Variants in MTA3 observed in about 807,000 individuals in gnomAD.
MTA3 encodes the protein metastasis-associated protein MTA3.
Under a neutral mutation model 83.5 loss-of-function variants are expected in MTA3, and 34 were observed. The observed-to-expected ratio is 0.41, with a 90% confidence interval of 0.31 to 0.54. The LOEUF (loss-of-function observed/expected upper bound fraction) is 0.54. Among genes scored for constraint, MTA3 ranks in the 20% least tolerant of loss-of-function variants. MTA3 has a pLI of 0.33. For synonymous variants in MTA3, 303 were observed against 252.7 expected, an observed-to-expected ratio of 1.20 and a Z score of -1.89; for missense variants, 761 against 726.4, an observed-to-expected ratio of 1.05 and a Z score of -0.55.
chr2:42,592,440 C>T lies in MTA3; in HGVS notation c.190+13240C>T, dbSNP rs1026300605. Among the ~76,000 whole-genome samples, 18 of 151,776 alleles carry T rather than the reference C, an allele frequency of 1.2e-4. 1 individual carries two copies. In the South Asian group the frequency reaches 1.9e-3, roughly 16 times the overall value. On this transcript the variant is annotated intron_variant, in intron 3 of 16. Transcript: ENST00000405094. Reference sequence around the variant, plus strand: ...CTCTACAAAATATTTAAAAATTAGCCGGGTGTGGTGGCATGCACGTGTGGT... The same window carrying T: ...CTCTACAAAATATTTAAAAATTAGCTGGGTGTGGTGGCATGCACGTGTGGT...
In MTA3 at chr2:42,551,728, C is replaced by T. The variant is rs192329087; in HGVS notation, c.-140-18709C>T. On this transcript the variant is annotated intron_variant, in intron 2 of 17. Transcript: ENST00000405592. ...TAAATAGGATGGGAAGGGAAGACTG[C>T]ACTGAGGAGGTAATTTTTTTTTTCT... Among the ~76,000 whole-genome samples the T allele has an allele frequency of 2.0e-5, 3 of 151,904 alleles. No individual in the cohort carries two copies. In the East Asian group the frequency reaches 5.8e-4, roughly 29 times the overall value.
At chr2:42,643,928 T>C (rs1467718664) in intron 5 of MTA3, among the ~76,000 whole-genome samples, 199 bp from the exon 6 acceptor site, 1 of 152,230 alleles carries the variant, frequency 6.6e-6, no homozygotes. Context: ...CTGTTTCTTT[T>C]GGCTTGATTT....
intron 2 of MTA3, among the ~76,000 whole-genome samples, chr2:42,574,469 G>A (rs749971221): frequency 6.6e-6 from 1 of 151,038 alleles, no homozygotes; most frequent in Non-Finnish European, 1.5e-5. Flanking sequence ...GCCTATGTTA[G>A]TTGTCACCCA....
intron 16 of MTA3, among the ~76,000 whole-genome samples, chr2:42,735,411 T>C (rs1435478800): frequency 2.0e-5 from 3 of 152,214 alleles, no homozygotes; most frequent in Non-Finnish European, 4.4e-5. Context: ...CCTTGACTTT[T>C]GGGAGTTTGA....
At chr2:42,505,770 A>ATTTTTT (rs370638507) in intron 2 of MTA3, among the ~76,000 whole-genome samples, 1 of 139,118 alleles carries the variant, frequency 7.2e-6, no homozygotes, top group Non-Finnish European at 1.5e-5. Context: ...CAAATTGATA[A>ATTTTTT]TTTTTTTTTT....
Position 42,684,389 on chromosome 2 carries a change from C to T in MTA3, c.891+1800C>T, listed in dbSNP as rs936586867. ...ATGGGCTGATAAATTAAATCCCAGACATAGTAATTAAAACTGTTAGTGTCA... is the reference window on the plus strand; with the variant it reads ...ATGGGCTGATAAATTAAATCCCAGATATAGTAATTAAAACTGTTAGTGTCA... On this transcript the variant is annotated intron_variant, in intron 9 of 16. Transcript: ENST00000405094. Among the ~76,000 whole-genome samples, 12 of 152,152 alleles carry T rather than the reference C, an allele frequency of 7.9e-5. No individual in the cohort carries two copies. The South Asian group carries it at 8.3e-4, about 11-fold the overall frequency.
chr2:42,609,616 T>A (rs1683932627), intron 4 of MTA3, 32 bp downstream of exon 4: 1 of 1,570,570 alleles, frequency 6.4e-7, no homozygotes, highest in African/African-American at 1.4e-5. Flanking sequence ...AGGTACTCAG[T>A]ACTACGGTGA....
intron 8 of MTA3, among the ~76,000 whole-genome samples, chr2:42,673,712 G>C (rs1298430402): frequency 6.6e-6 from 1 of 152,208 alleles, no homozygotes; most frequent in Non-Finnish European, 1.5e-5. Flanking sequence ...GAAGGCCTCA[G>C]CTGACTCCAG....
At chr2:42,616,726 A>C (rs1684942526) in intron 4 of MTA3, among the ~76,000 whole-genome samples, 3 of 151,246 alleles carry the variant, frequency 2.0e-5, no homozygotes, top group Admixed American at 1.3e-4. Flanking sequence ...TTACAAGCTC[A>C]CGCCACTATG....
chr2:42,727,896 C>G (rs1667940484), intron 16 of MTA3, among the ~76,000 whole-genome samples: 2 of 152,066 alleles, frequency 1.3e-5, no homozygotes, highest in South Asian at 4.1e-4. Flanking sequence ...GCTTAATAAT[C>G]ACATGAGGGT....
chr2:42,724,226 C>G (rs888702471), intron 16 of MTA3, among the ~76,000 whole-genome samples: 4 of 146,092 alleles, frequency 2.7e-5, no homozygotes, highest in Non-Finnish European at 4.5e-5. Context: ...ACCTCCCTGG[C>G]CTTTCTAGGC....
chr2:42,701,439 A>T (rs1020777391), intron 11 of MTA3, among the ~76,000 whole-genome samples: 2 of 147,498 alleles, frequency 1.4e-5, no homozygotes, highest in African/African-American at 5.0e-5. Flanking sequence ...AAAAAAAAAA[A>T]GTAAATAAAG....
intron 6 of MTA3, among the ~76,000 whole-genome samples, chr2:42,645,519 T>C (rs1203961006): frequency 7.8e-6 from 1 of 128,620 alleles, no homozygotes; most frequent in African/African-American, 3.1e-5. Flanking sequence ...AGTGAGACTT[T>C]GTCTAAAAAA....
chr2:42,617,656 A>G (rs527582459), intron 4 of MTA3, among the ~76,000 whole-genome samples: 33 of 152,164 alleles, frequency 2.2e-4, no homozygotes, highest in African/African-American at 7.7e-4. Context: ...CATGCCTGTA[A>G]TCTCAGCTAC....
chr2:42,642,984 T>C (rs1473341116), intron 5 of MTA3, among the ~76,000 whole-genome samples: 1 of 152,016 alleles, frequency 6.6e-6, no homozygotes, highest in Non-Finnish European at 1.5e-5. Flanking sequence ...ATTTTTTCTT[T>C]CCTTAGATAG....
At chr2:42,711,621 A>G (rs1400094587) in intron 14 of MTA3, among the ~76,000 whole-genome samples, 1 of 152,118 alleles carries the variant, frequency 6.6e-6, no homozygotes, top group African/African-American at 2.4e-5. Context: ...CCTAACATCT[A>G]ATTGATTATG....
intron 2 of MTA3, among the ~76,000 whole-genome samples, chr2:42,560,118 G>C (rs1207646466): frequency 6.6e-6 from 1 of 151,816 alleles, no homozygotes; most frequent in Admixed American, 6.6e-5. Flanking sequence ...CGCCTCCCAG[G>C]TGCAAGCGAT....
intron 8 of MTA3, among the ~76,000 whole-genome samples, chr2:42,674,685 A>G (rs1422394362): frequency 2.1e-5 from 3 of 146,040 alleles, no homozygotes; most frequent in Admixed American, 1.4e-4. Flanking sequence ...TGCAACTGAC[A>G]CTTCCTGAGT....
chr2:42,656,222 A>G lies in MTA3; in HGVS notation c.522A>G (p.Gln174=), dbSNP rs371814304. ...LLEGESDERE[Q]SKLEVKVWDP... ...CAGGAGAATCAGATGAGAGGGAACA[A>G]TCAAAATTGGAAGTTAAAGTTTGGG... The change falls in exon 7 of 17, where the codon CAA becomes CAG. Residue 174 remains glutamine (Q), a synonymous_variant. Transcript: ENST00000405094. The G allele has an allele frequency of 1.2e-6, 2 of 1,613,636 alleles. No individual in the cohort carries two copies. The highest frequency in any genetic ancestry group is 2.2e-5 in the South Asian group (2 of 91,080).
Sources: allele counts gnomAD v4.1 joint callset (sites outside exome capture counted in the v4.1 genomes callset), GRCh38; gene constraint gnomAD v4.1.1; transcripts MANE v1.5; gene names NCBI Gene and HGNC (gene_info 2026-07-23, HGNC 2026-07-21).